The following SGPP2 variants were observed in gnomAD, a reference collection of about 807,000 sequenced individuals.
SGPP2 encodes sphingosine 1-phosphate phosphohydrolase 2.
A neutral mutation model predicts 33.9 loss-of-function variants in SGPP2; 30 were observed. That is an observed-to-expected ratio of 0.89 (90% CI 0.66 to 1.20). SGPP2 has a LOEUF of 1.20. SGPP2 is among the 50% of genes most tolerant of loss of function. SGPP2 has a pLI of 0.00. For synonymous variants in SGPP2, 233 were observed against 225.0 expected, an observed-to-expected ratio of 1.04 and a Z score of -0.32; for missense variants, 458 against 532.1, an observed-to-expected ratio of 0.86 and a Z score of 1.37.
intron 1 of SGPP2, among the ~76,000 whole-genome samples, chr2:222,464,710 T>C (rs1160384751): frequency 6.6e-6 from 1 of 152,190 alleles, no homozygotes; most frequent in African/African-American, 2.4e-5. Flanking sequence ...CTCAGACTCC[T>C]GGCCTCAAGC....
At chr2:222,538,549 G>A (rs1698947725) in intron 4 of SGPP2, among the ~76,000 whole-genome samples, 1 of 152,192 alleles carries the variant, frequency 6.6e-6, no homozygotes, top group Non-Finnish European at 1.5e-5. Flanking sequence ...GATTCCTGAA[G>A]CAGTTTGTGC....
intron 4 of SGPP2, among the ~76,000 whole-genome samples, chr2:222,542,815 C>CT (rs753273511): frequency 0.012 from 1,772 of 142,344 alleles, 32 homozygotes; most frequent in African/African-American, 0.038. Flanking sequence ...TTTTCTTTTC[C>CT]TTTTTTTTTT....
intron 4 of SGPP2, among the ~76,000 whole-genome samples, chr2:222,541,297 G>A (rs1698992872): frequency 6.7e-6 from 1 of 150,002 alleles, no homozygotes; most frequent in Non-Finnish European, 1.5e-5. Flanking sequence ...GGGGCTGTTT[G>A]AGGCACCAGT....
rs1453468921 is a variant in SGPP2 at position 222,562,457 on chromosome 2, T to C, written c.*3559T>C. Among the ~76,000 whole-genome samples, 1 of 152,226 alleles carries C rather than the reference T, an allele frequency of 6.6e-6. No homozygotes were observed. Among genetic ancestry groups the C allele is most frequent in the East Asian group, 1.9e-4 (1 of 5,198 alleles). Reference sequence around the variant, plus strand: ...GGATTTTCTCACCCAAATAGGCAACTCATGCTTCCTGAGTGTAATCAAAGC... The same window carrying C: ...GGATTTTCTCACCCAAATAGGCAACCCATGCTTCCTGAGTGTAATCAAAGC... On this transcript the variant is annotated 3_prime_UTR_variant, in exon 5 of 5. Transcript: ENST00000321276.
Position 222,464,035 on chromosome 2 carries a change from C to T in SGPP2, c.220-10533C>T, listed in dbSNP as rs1038531848. On this transcript the variant is annotated intron_variant, in intron 1 of 4. Transcript: ENST00000321276. ...TAAACTGAAGTTTATAACACTCCTT[C>T]TCGAACATCATACAGCTCTTCCAAG... Among the ~76,000 whole-genome samples the T allele has an allele frequency of 2.6e-5, 4 of 152,254 alleles. No individual in the cohort carries two copies. In the East Asian group the frequency reaches 7.7e-4, roughly 29 times the overall value.
At position 222,558,958 on chromosome 2, in the gene SGPP2, T is replaced by C; in HGVS notation, c.*60T>C. ...GAAAGCCAAGACATAGGAAAGTTAT[T>C]GGTAGGCAAATCTTGACAACTTATT... On this transcript the variant is annotated 3_prime_UTR_variant, in exon 5 of 5. Coordinates refer to ENST00000321276, the MANE Select transcript of SGPP2 (RefSeq NM_152386.4). 6.6e-7 allele frequency: 1 copy of C among 1,525,274 alleles called. No individual in the cohort carries two copies. Among genetic ancestry groups the C allele is most frequent in the Non-Finnish European group, 8.9e-7 (1 of 1,124,552 alleles). The allele number at this position is 1,525,274 out of a possible 1,614,324, so 94.5% of individuals were successfully genotyped here.
chr2:222,543,626 T>A (rs1177345420), intron 4 of SGPP2, among the ~76,000 whole-genome samples: 1 of 152,202 alleles, frequency 6.6e-6, no homozygotes, highest in East Asian at 1.9e-4. Context: ...ATTCACCTAT[T>A]TTTGGACTAC....
Position 222,470,604 on chromosome 2 carries a change from T to C in SGPP2, c.220-3964T>C, listed in dbSNP as rs191158393. On this transcript the variant is annotated intron_variant, in intron 1 of 4. Transcript: ENST00000321276. ...AGTTTGCTATCACTTTTGGTGGTCTTTTCAATTGTTTACTAGGTCTCAGGT... is the reference window on the plus strand; with the variant it reads ...AGTTTGCTATCACTTTTGGTGGTCTCTTCAATTGTTTACTAGGTCTCAGGT... 3.7e-3 allele frequency among the ~76,000 whole-genome samples: 564 copies of C among 152,340 alleles called. 3 individuals are homozygous for C. The highest frequency in any genetic ancestry group is 0.013 in the African/African-American group (533 of 41,576).
At chr2:222,472,801 A>G (rs1367107111) in intron 1 of SGPP2, among the ~76,000 whole-genome samples, 2 of 152,182 alleles carry the variant, frequency 1.3e-5, no homozygotes, top group Non-Finnish European at 2.9e-5. Flanking sequence ...GATTACCTGA[A>G]GTCAGGAGTT....
At chr2:222,434,672 A>G (rs969259786) in intron 1 of SGPP2, among the ~76,000 whole-genome samples, 6 of 152,000 alleles carry the variant, frequency 3.9e-5, no homozygotes, top group Non-Finnish European at 8.8e-5. Context: ...GTATGTTTTG[A>G]TTTGTCCAAA....
intron 1 of SGPP2, among the ~76,000 whole-genome samples, chr2:222,458,442 G>C (rs1697605045): frequency 6.6e-6 from 1 of 152,092 alleles, no homozygotes; most frequent in Non-Finnish European, 1.5e-5. Flanking sequence ...TTACTTATTA[G>C]AGGGCTAAAA....
At chr2:222,469,159 A>G (rs1697800185) in intron 1 of SGPP2, among the ~76,000 whole-genome samples, 1 of 152,248 alleles carries the variant, frequency 6.6e-6, no homozygotes, top group African/African-American at 2.4e-5. Flanking sequence ...GCTGTGTGAC[A>G]GATGAGATGC....
intron 1 of SGPP2, among the ~76,000 whole-genome samples, chr2:222,467,067 TA>T (rs1697757575): frequency 6.6e-6 from 1 of 152,170 alleles, no homozygotes; most frequent in Non-Finnish European, 1.5e-5. Context: ...TACTGAGGAT[TA>T]AATCTGAGAG....
At position 222,561,900 on chromosome 2, in the gene SGPP2, A is replaced by G. The variant is rs1689548818; in HGVS notation, c.*3002A>G. Among the ~76,000 whole-genome samples, 1 of 148,400 alleles carries G rather than the reference A, an allele frequency of 6.7e-6. No homozygotes were observed. Among genetic ancestry groups the G allele is most frequent in the South Asian group, 2.3e-4 (1 of 4,384 alleles). Reference sequence around the variant, plus strand: ...GCCCTCTTCCATTCATTTCTCACACAGCACTTTGCTCTGTTAAATCCTCTC... The same window carrying G: ...GCCCTCTTCCATTCATTTCTCACACGGCACTTTGCTCTGTTAAATCCTCTC... On this transcript the variant is annotated 3_prime_UTR_variant, in exon 5 of 5. Coordinates refer to ENST00000321276, the MANE Select transcript of SGPP2 (RefSeq NM_152386.4).
chr2:222,547,479 C>G (rs1689221971), intron 4 of SGPP2, among the ~76,000 whole-genome samples: 1 of 152,112 alleles, frequency 6.6e-6, no homozygotes, highest in Non-Finnish European at 1.5e-5. Context: ...TTGTTAGATT[C>G]TGTGAAGTCA....
At position 222,465,776 on chromosome 2, in the gene SGPP2, T is replaced by C. The variant is rs1697736081; in HGVS notation, c.220-8792T>C. Among the ~76,000 whole-genome samples, 2 of 152,124 alleles carry C rather than the reference T, an allele frequency of 1.3e-5. No homozygotes were observed. The highest frequency in any genetic ancestry group is 2.9e-5 in the Non-Finnish European group (2 of 68,028). On this transcript the variant is annotated intron_variant, in intron 1 of 4. Coordinates refer to ENST00000321276, the MANE Select transcript of SGPP2 (RefSeq NM_152386.4). This position sits in a 1 kb window ranked among gnomAD's most constrained non-coding sequence, Gnocchi z 4.1. The stretch of plus-strand genomic sequence containing the variant: ...CGTCTGCTCTTGAGGTCATCTCCTC[T>C]CTGTCTCTTTCACACATATCCCAGC...
Position 222,549,882 on chromosome 2 carries a change from TC to T in SGPP2, c.649-8464del, listed in dbSNP as rs1689262035. Among the ~76,000 whole-genome samples the T allele has an allele frequency of 6.0e-5, 9 of 150,230 alleles. No homozygotes were observed. The South Asian group carries it at 1.7e-3, about 28-fold the overall frequency. On this transcript the variant is annotated intron_variant, in intron 4 of 4. Transcript: ENST00000321276. ...GTATGCTTTTTCTTTTCTTTTCTTTTCTTTTTTTTTTTTTTGAGACAGTCTC... is the reference window on the plus strand; with the variant it reads ...GTATGCTTTTTCTTTTCTTTTCTTTTTTTTTTTTTTTTTTGAGACAGTCTC...
chr2:222,424,015 A>G (rs1697017812), upstream of SGPP2, among the ~76,000 whole-genome samples: 1 of 152,052 alleles, frequency 6.6e-6, no homozygotes. Flanking sequence ...CGCAGTTTGG[A>G]AAGAACTTGG....
intron 1 of SGPP2, among the ~76,000 whole-genome samples, chr2:222,454,109 A>C (rs2106078454): frequency 6.6e-6 from 1 of 152,342 alleles, no homozygotes; most frequent in South Asian, 2.1e-4. Flanking sequence ...CCTCTCTAGC[A>C]AGGAGGTCCT....
Sources: allele counts gnomAD v4.1 joint callset (sites outside exome capture counted in the v4.1 genomes callset), GRCh38; gene constraint gnomAD v4.1.1; non-coding constraint Gnocchi (gnomAD v3.1); transcripts MANE v1.5; gene names NCBI Gene and HGNC (gene_info 2026-07-23, HGNC 2026-07-21).